GJE1: variants seen among roughly 807,000 people sequenced by gnomAD.
GJE1 encodes the protein gap junction protein epsilon 1, also known as gap junction epsilon-1 protein.
Under a neutral mutation model 6.2 loss-of-function variants are expected in GJE1, and 9 were observed. The observed-to-expected ratio is 1.45, with a 90% CI of 0.87 to 2.52. The LOEUF is 2.52. GJE1 is among the 30% of genes most tolerant of loss of function. The probability of loss-of-function intolerance (pLI) is 0.00; values close to 1 mark genes in which losing one functional copy is unlikely to be tolerated. For synonymous variants in GJE1, 65 were observed against 30.1 expected (o/e 2.16, Z -3.80); for missense variants, 190 against 87.7 (o/e 2.17, Z -4.66).
intron 1 of GJE1, 121 bp downstream of exon 1, chr6:142,133,318 C>A: frequency 2.4e-6 from 1 of 421,382 alleles, no homozygotes; most frequent in South Asian, 8.2e-5. Context: ...TAAGTGTCAA[C>A]CATATACTTC....
At chr6:142,133,939 T>G (rs1395741232) in exon 2 of GJE1, 2 of 702,476 alleles carry the variant, frequency 2.8e-6, no homozygotes, top group Non-Finnish European at 5.2e-6. Context: ...GCTTTGCAGT[T>G]TATGGGAATG....
intron 2 of GJE1, 69 bp from the exon 3 acceptor site, chr6:142,134,470 A>G (rs936437283): frequency 2.2e-6 from 1 of 458,214 alleles, no homozygotes; most frequent in African/African-American, 2.0e-5. Context: ...GGGTTTTTTT[A>G]GTGTATTTTA....
At chr6:142,134,241 G>T (rs954716900) in intron 2 of GJE1, among the ~76,000 whole-genome samples, 197 bp downstream of exon 2, 3 of 151,932 alleles carry the variant, frequency 2.0e-5, no homozygotes, top group Admixed American at 2.0e-4. Context: ...ATCTACTAAT[G>T]TTATCATTAT....
chr6:142,133,478 T>G (rs1162161621), intron 1 of GJE1, among the ~76,000 whole-genome samples: 1 of 152,204 alleles, frequency 6.6e-6, no homozygotes, highest in African/African-American at 2.4e-5. Flanking sequence ...ATTTGGTTGT[T>G]AAGATAGTGT....
At chr6:142,133,487 G>C (rs1778183965) in intron 1 of GJE1, among the ~76,000 whole-genome samples, 1 of 152,166 alleles carries the variant, frequency 6.6e-6, no homozygotes, top group Non-Finnish European at 1.5e-5. Context: ...TTAAGATAGT[G>C]TACGGACTGA....
intron 1 of GJE1, among the ~76,000 whole-genome samples, chr6:142,133,645 C>T (rs1214928661): frequency 1.3e-5 from 2 of 152,048 alleles, no homozygotes; most frequent in Admixed American, 1.3e-4. Context: ...AGCCACATGT[C>T]CCTATCAACT....
chr6:142,133,953 C>G (rs187417853), exon 2 of GJE1: 25 of 702,408 alleles, frequency 3.6e-5, no homozygotes, highest in South Asian at 2.1e-4. Flanking sequence ...GGGAATGAGG[C>G]CTTGCACTTC....
exon 2 of GJE1, chr6:142,133,965 T>C: frequency 2.8e-6 from 2 of 702,560 alleles, no homozygotes; most frequent in Non-Finnish European, 5.2e-6. Context: ...TTGCACTTCA[T>C]TTGCGATCCA....
intron 1 of GJE1, 68 bp from the exon 2 acceptor site, chr6:142,133,782 G>A (rs933142357): frequency 1.8e-6 from 1 of 545,066 alleles, no homozygotes; most frequent in Non-Finnish European, 3.3e-6. Flanking sequence ...GTGATATAAG[G>A]ATTTTTTTAA....
At chr6:142,134,591 C>A in exon 3 of GJE1, 2 of 651,306 alleles carry the variant, frequency 3.1e-6, no homozygotes, top group Admixed American at 2.6e-5. Context: ...CACCTTTATG[C>A]TGCATGTAAA....
intron 1 of GJE1, 114 bp from the exon 2 acceptor site, chr6:142,133,736 G>A (rs1455444040): frequency 7.7e-6 from 4 of 519,616 alleles, no homozygotes; most frequent in Non-Finnish European, 6.9e-6. Context: ...GGGTCTATTT[G>A]GCTTCAAAAC....
At chr6:142,135,250 T>C (rs77707872), downstream of GJE1, 1,037 of 157,546 alleles carry the variant, frequency 6.6e-3, 9 homozygotes, top group Non-Finnish European at 0.011. Flanking sequence ...AAGTGGAAAA[T>C]TGATGCTCAT....
At chr6:142,134,969 T>G in exon 3 of GJE1, 1 of 509,284 alleles carries the variant, frequency 2.0e-6, no homozygotes, top group South Asian at 3.4e-5. Context: ...TCATTTTTAT[T>G]TAGTTTTATC....
exon 3 of GJE1, chr6:142,134,933 A>G (rs1421004976): frequency 3.7e-6 from 2 of 540,874 alleles, no homozygotes; most frequent in Non-Finnish European, 6.5e-6. Context: ...CCAAATAATT[A>G]CCTATTGTCA....
intron 1 of GJE1, 136 bp from the exon 2 acceptor site, chr6:142,133,714 G>T: frequency 2.2e-6 from 1 of 464,706 alleles, no homozygotes; most frequent in South Asian, 5.7e-5. Context: ...TATTTGATTT[G>T]ATGATCTCTA....
At chr6:142,134,147 G>A in intron 2 of GJE1, 103 bp downstream of exon 2, 1 of 498,628 alleles carries the variant, frequency 2.0e-6, no homozygotes, top group East Asian at 3.0e-5. Context: ...TGTTCCTAAG[G>A]ATTATGTTAC....
intron 2 of GJE1, 66 bp from the exon 3 acceptor site, chr6:142,134,472 TG>T: frequency 2.2e-6 from 1 of 460,568 alleles, no homozygotes. Context: ...GTTTTTTTAG[TG>T]TATTTTAGTT....
At chr6:142,133,110 T>C (rs980524342) in exon 1 of GJE1, 13 of 632,082 alleles carry the variant, frequency 2.1e-5, no homozygotes, top group Non-Finnish European at 3.4e-5. Context: ...ACTGGCAATG[T>C]GGGTCAAGAA....
intron 2 of GJE1, 119 bp downstream of exon 2, chr6:142,134,163 C>G: frequency 2.0e-6 from 1 of 495,842 alleles, no homozygotes; most frequent in Admixed American, 3.5e-5. Context: ...GTTACTTTTT[C>G]TTTAATTAGC....
Sources: gnomAD v4.1 joint callset for allele counts (sites outside exome capture counted in the v4.1 genomes callset) on GRCh38, gnomAD v4.1.1 for gene constraint, MANE v1.5 for transcripts, NCBI Gene and HGNC (gene_info 2026-07-23, HGNC 2026-07-21) for gene names.